Variants in ADAMTSL1 observed in about 807,000 individuals in gnomAD.
ADAMTSL1 encodes the protein ADAMTS like 1.
In ADAMTSL1, 126 loss-of-function variants were observed where a neutral mutation model predicts 201.8. That is an observed-to-expected ratio of 0.62 (90% CI 0.54 to 0.72). The LOEUF (loss-of-function observed/expected upper bound fraction) is 0.72, where lower values mean the gene tolerates loss of function less well. Ranked by LOEUF, ADAMTSL1 falls within the 30% of genes least tolerant of loss-of-function variation. The pLI is 0.00. For missense variants in ADAMTSL1, 2,679 were observed against 2,277.8 expected, an observed-to-expected ratio of 1.18 and a Z score of -3.59; for synonymous variants, 1,121 against 903.4, an observed-to-expected ratio of 1.24 and a Z score of -4.32.
rs148519559 is a variant in ADAMTSL1 at position 18,111,021 on chromosome 9, T to C, written c.88-52841T>C. Reference sequence around the variant, plus strand: ...GTAAAACAGGTAGCAGCAATTTTCTTCTCTAAAATGATGCTCTCTCCATGT... The same window carrying C: ...GTAAAACAGGTAGCAGCAATTTTCTCCTCTAAAATGATGCTCTCTCCATGT... On this transcript the variant is annotated intron_variant, in intron 1 of 29. Coordinates refer to the ADAMTSL1 transcript ENST00000680146. Among the ~76,000 whole-genome samples the C allele has an allele frequency of 2.6e-3, 394 of 152,304 alleles. 2 individuals are homozygous for C. The highest frequency in any genetic ancestry group is 8.8e-3 in the African/African-American group (365 of 41,578).
chr9:18,593,426 T>C (rs1223922581), intron 4 of ADAMTSL1, among the ~76,000 whole-genome samples: 2 of 152,112 alleles, frequency 1.3e-5, no homozygotes, highest in East Asian at 1.9e-4. Context: ...CTGATCTTTA[T>C]TTTTTTACAT....
chr9:18,298,868 G>A (rs1370404903), intron 2 of ADAMTSL1, among the ~76,000 whole-genome samples: 2 of 151,816 alleles, frequency 1.3e-5, no homozygotes, highest in African/African-American at 2.4e-5. Context: ...AAAATCAGCC[G>A]GTCGTGGTGG....
chr9:18,049,579 T>C (rs1323623224), intron 1 of ADAMTSL1, among the ~76,000 whole-genome samples: 1 of 151,264 alleles, frequency 6.6e-6, no homozygotes, highest in Non-Finnish European at 1.5e-5. Flanking sequence ...AGAGTCCTGA[T>C]GGAACTAACT....
At chr9:18,077,941 C>T (rs941108293) in intron 1 of ADAMTSL1, among the ~76,000 whole-genome samples, 1 of 152,134 alleles carries the variant, frequency 6.6e-6, no homozygotes, top group Non-Finnish European at 1.5e-5. Flanking sequence ...AAGGCATCCC[C>T]ATCTTGGCCT....
At chr9:18,645,470 A>G (rs940893387) in intron 7 of ADAMTSL1, among the ~76,000 whole-genome samples, 1 of 150,900 alleles carries the variant, frequency 6.6e-6, no homozygotes, top group Non-Finnish European at 1.5e-5. Context: ...GCCCATGCCT[A>G]TGTCCTGAAT....
intron 2 of ADAMTSL1, among the ~76,000 whole-genome samples, chr9:18,356,060 T>C (rs909805729): frequency 2.6e-5 from 4 of 152,158 alleles, no homozygotes; most frequent in African/African-American, 7.2e-5. Flanking sequence ...CCAAGAAGAA[T>C]GAAGATGCAC....
At chr9:18,550,619 T>C (rs1045089160) in intron 3 of ADAMTSL1, among the ~76,000 whole-genome samples, 7 of 151,854 alleles carry the variant, frequency 4.6e-5, no homozygotes, top group African/African-American at 1.7e-4. Context: ...CTCTAAAAAG[T>C]AAGCCCTTCC....
At chr9:18,906,289 G>C (rs1830307106) in intron 27 of ADAMTSL1, among the ~76,000 whole-genome samples, 1 of 152,146 alleles carries the variant, frequency 6.6e-6, no homozygotes, top group African/African-American at 2.4e-5. Context: ...GAGAGCCCTT[G>C]TTCCTGAGTC....
At chr9:18,671,094 C>T (rs776768) in intron 9 of ADAMTSL1, among the ~76,000 whole-genome samples, 109,105 of 152,010 alleles carry the variant, frequency 0.72, 39,563 homozygotes, top group South Asian at 0.8. Context: ...TCATTACAGA[C>T]GCAACTATCC....
chr9:18,022,645 G>A (rs1018515024), intron 1 of ADAMTSL1, among the ~76,000 whole-genome samples: 1 of 151,928 alleles, frequency 6.6e-6, no homozygotes, highest in South Asian at 2.1e-4. Context: ...TATATTATAT[G>A]GAAACAGTCT....
chr9:17,916,826 G>A (rs533845181), intron 1 of ADAMTSL1, among the ~76,000 whole-genome samples: 5 of 152,172 alleles, frequency 3.3e-5, no homozygotes, highest in African/African-American at 1.2e-4. Flanking sequence ...ATGCATGCGG[G>A]GATTTGATTA....
At chr9:18,087,403 T>C (rs948705002) in intron 1 of ADAMTSL1, among the ~76,000 whole-genome samples, 1 of 152,098 alleles carries the variant, frequency 6.6e-6, no homozygotes, top group African/African-American at 2.4e-5. Context: ...ATTTAACTAG[T>C]TTTTAATGAG....
chr9:17,933,420 G>A (rs920985018), intron 1 of ADAMTSL1, among the ~76,000 whole-genome samples: 1 of 152,142 alleles, frequency 6.6e-6, no homozygotes, highest in Non-Finnish European at 1.5e-5. Context: ...TTTTTCCAGA[G>A]ATAGGGCAGG....
At chr9:17,987,786 C>G (rs1818989057) in intron 1 of ADAMTSL1, among the ~76,000 whole-genome samples, 2 of 151,992 alleles carry the variant, frequency 1.3e-5, no homozygotes, top group African/African-American at 4.8e-5. Flanking sequence ...CTCAAGTTCC[C>G]TAAATGTGTT....
chr9:18,233,032 A>G (rs995310658), intron 2 of ADAMTSL1, among the ~76,000 whole-genome samples: 1 of 152,152 alleles, frequency 6.6e-6, no homozygotes, highest in Non-Finnish European at 1.5e-5. Flanking sequence ...TCATCTCTAC[A>G]TCTCATCTAG....
At chr9:18,713,031 T>C (rs1832708811) in intron 14 of ADAMTSL1, among the ~76,000 whole-genome samples, 1 of 151,370 alleles carries the variant, frequency 6.6e-6, no homozygotes, top group Admixed American at 6.6e-5. Flanking sequence ...ATAAAATACT[T>C]TACAGACAAG....
At chr9:18,885,450 T>C (rs1195794509) in intron 23 of ADAMTSL1, among the ~76,000 whole-genome samples, 1 of 152,242 alleles carries the variant, frequency 6.6e-6, no homozygotes, top group African/African-American at 2.4e-5. Flanking sequence ...TTTGATGCTG[T>C]TGTGAGTGAA....
chr9:18,910,905 C>T lies in ADAMTSL1; in HGVS notation c.*2357C>T, dbSNP rs930277384. 3.3e-5 allele frequency: 5 copies of T among 152,182 alleles called. No individual in the cohort carries two copies. Among genetic ancestry groups the T allele is most frequent in the African/African-American group, 1.2e-4 (5 of 41,442 alleles). 9.4% of individuals were successfully genotyped at this position (152,182 alleles called of 1,614,324 possible). On this transcript the variant is annotated 3_prime_UTR_variant, in exon 29 of 29. Transcript: ENST00000380548. ...GCACTTTCTCCTCTAAAACACAAAA[C>T]TGTATTTGTATTTTTTGTACAGATA...
intron 2 of ADAMTSL1, among the ~76,000 whole-genome samples, chr9:18,364,563 A>C (rs1032791354): frequency 3.3e-5 from 5 of 152,198 alleles, no homozygotes; most frequent in Non-Finnish European, 5.9e-5. Context: ...CAATCAGTAA[A>C]AACAATAACC....
Sources: gnomAD v4.1 joint callset for allele counts (sites outside exome capture counted in the v4.1 genomes callset) on GRCh38, gnomAD v4.1.1 for gene constraint, MANE v1.5 for transcripts, NCBI Gene and HGNC (gene_info 2026-07-23, HGNC 2026-07-21) for gene names.